TMEM232: variants seen among roughly 807,000 people sequenced by gnomAD.
TMEM232 encodes the protein transmembrane protein 232.
TMEM232 carries 80 observed loss-of-function variants against 78.8 expected under a neutral mutation model. The ratio of observed to expected loss-of-function variants is 1.01; its 90% CI spans 0.85 to 1.22. The LOEUF (loss-of-function observed/expected upper bound fraction) is 1.22. TMEM232 is among the 50% of genes most tolerant of loss of function. The probability of loss-of-function intolerance (pLI) is 0.00; values close to 1 mark genes in which losing one functional copy is unlikely to be tolerated. For missense variants in TMEM232, 881 were observed against 742.2 expected (o/e 1.19, Z -2.17); for synonymous variants, 297 against 254.3 (o/e 1.17, Z -1.60).
chr5:110,669,099 G>A (rs537001643), intron 1 of TMEM232, among the ~76,000 whole-genome samples: 1 of 152,172 alleles, frequency 6.6e-6, no homozygotes, highest in African/African-American at 2.4e-5. Flanking sequence ...ACATTCAAAA[G>A]CTAGCAGAAG....
At chr5:110,441,685 T>C (rs1759059632) in intron 12 of TMEM232, among the ~76,000 whole-genome samples, 1 of 152,176 alleles carries the variant, frequency 6.6e-6, no homozygotes, top group African/African-American at 2.4e-5. Flanking sequence ...CTGTGATAAA[T>C]TGAGTTGCCT....
chr5:110,562,490 T>C (rs146371421), intron 11 of TMEM232, among the ~76,000 whole-genome samples: 22 of 152,218 alleles, frequency 1.4e-4, no homozygotes, highest in African/African-American at 4.8e-4. Context: ...AGAACAATAA[T>C]ACATTCCTGC....
chr5:110,454,160 T>C (rs960597250), intron 12 of TMEM232, among the ~76,000 whole-genome samples: 3 of 152,168 alleles, frequency 2.0e-5, no homozygotes, highest in Non-Finnish European at 4.4e-5. Flanking sequence ...CAACTTTATG[T>C]AATTAACATG....
At chr5:110,429,705 T>A (rs140701223) in intron 12 of TMEM232, among the ~76,000 whole-genome samples, 3 of 151,808 alleles carry the variant, frequency 2.0e-5, no homozygotes, top group Non-Finnish European at 4.4e-5. Flanking sequence ...TTCTTAACAA[T>A]TGAATGTCTT....
At chr5:110,691,581 A>G (rs1446617607) in intron 1 of TMEM232, among the ~76,000 whole-genome samples, 1 of 152,242 alleles carries the variant, frequency 6.6e-6, no homozygotes, top group Non-Finnish European at 1.5e-5. Flanking sequence ...CTAGGCCTAC[A>G]TACTAAAACT....
intron 12 of TMEM232, among the ~76,000 whole-genome samples, chr5:110,510,561 C>T (rs1258773935): frequency 6.6e-6 from 1 of 152,050 alleles, no homozygotes; most frequent in African/African-American, 2.4e-5. Context: ...CCCTAACTAA[C>T]AAAGCCAACA....
chr5:110,409,244 C>G (rs1462249933), intron 2 of TMEM232, among the ~76,000 whole-genome samples: 2 of 152,094 alleles, frequency 1.3e-5, no homozygotes, highest in Non-Finnish European at 2.9e-5. Flanking sequence ...CACACAAACT[C>G]TTTTTTCAAT....
At position 110,641,822 on chromosome 5, in the gene TMEM232, A is replaced by C. The variant is rs550297506; in HGVS notation, c.237+438T>G. Reference sequence around the variant, plus strand: ...TGTTCTGTTTTGATATCTATTTGTAAATTTGGGGATTAATGTCATATTCTT... The same window carrying C: ...TGTTCTGTTTTGATATCTATTTGTACATTTGGGGATTAATGTCATATTCTT... On this transcript the variant is annotated intron_variant, in intron 3 of 13. Coordinates refer to ENST00000455884, the MANE Select transcript of TMEM232 (RefSeq NM_001039763.4). 5.3e-5 allele frequency among the ~76,000 whole-genome samples: 8 copies of C among 152,254 alleles called. No homozygotes were observed. In the South Asian group the frequency reaches 1.7e-3, roughly 32 times the overall value.
chr5:110,641,995 A>C (rs114809220), intron 3 of TMEM232, among the ~76,000 whole-genome samples: 294 of 152,234 alleles, frequency 1.9e-3, no homozygotes, highest in African/African-American at 6.9e-3. Flanking sequence ...AAAAAAATAT[A>C]ATTTTCATAA....
chr5:110,473,263 T>A (rs1329188653), intron 12 of TMEM232, among the ~76,000 whole-genome samples: 2 of 151,738 alleles, frequency 1.3e-5, no homozygotes, highest in East Asian at 3.9e-4. Context: ...GGATTAAAAA[T>A]GGGCAAAATA....
intron 1 of TMEM232, among the ~76,000 whole-genome samples, chr5:110,692,738 C>T (rs1794284873): frequency 6.6e-6 from 1 of 152,180 alleles, no homozygotes; most frequent in African/African-American, 2.4e-5. Flanking sequence ...TGCAAGGCAG[C>T]AGCAAGGCTG....
intron 11 of TMEM232, among the ~76,000 whole-genome samples, chr5:110,541,695 G>A (rs1212347140): frequency 2.1e-5 from 3 of 139,634 alleles, no homozygotes; most frequent in African/African-American, 1.0e-4. Flanking sequence ...TCAGCTTACT[G>A]TCTGTAGCCC....
intron 2 of TMEM232, among the ~76,000 whole-genome samples, chr5:110,405,574 T>C (rs1366452620): frequency 1.3e-5 from 2 of 151,024 alleles, no homozygotes; most frequent in Admixed American, 6.6e-5. Context: ...GAATTGGAAG[T>C]TGTAAAATAA....
chr5:110,516,448 T>C (rs1027428688), intron 12 of TMEM232, among the ~76,000 whole-genome samples: 2 of 152,184 alleles, frequency 1.3e-5, no homozygotes, highest in Non-Finnish European at 2.9e-5. Context: ...TTGATCTTCA[T>C]AGTTCTAAAT....
intron 12 of TMEM232, among the ~76,000 whole-genome samples, chr5:110,485,680 T>A (rs552101403): frequency 6.6e-6 from 1 of 152,260 alleles, no homozygotes; most frequent in Non-Finnish European, 1.5e-5. Flanking sequence ...TCGTATATTA[T>A]ATACACTACA....
upstream of TMEM232, chr5:110,738,234 G>T: frequency 7.8e-7 from 1 of 1,287,358 alleles, no homozygotes; most frequent in Non-Finnish European, 1.0e-6. Flanking sequence ...AGCCCGTGGA[G>T]CTAATGAAAA....
chr5:110,545,074 A>G (rs1428704710), intron 11 of TMEM232, among the ~76,000 whole-genome samples: 2 of 152,152 alleles, frequency 1.3e-5, no homozygotes, highest in African/African-American at 4.8e-5. Flanking sequence ...AGGTTATGGT[A>G]AAGATTAAAC....
intron 12 of TMEM232, among the ~76,000 whole-genome samples, chr5:110,442,676 GC>G (rs1425278920): frequency 6.6e-6 from 1 of 151,950 alleles, no homozygotes; most frequent in Non-Finnish European, 1.5e-5. Flanking sequence ...TGGTCTTTAT[GC>G]TTGTAGATGT....
chr5:110,530,844 GAGT>G (rs900424350), intron 11 of TMEM232, among the ~76,000 whole-genome samples: 14 of 152,232 alleles, frequency 9.2e-5, no homozygotes, highest in African/African-American at 3.4e-4. Context: ...AAAATGCTGA[GAGT>G]AGATGTTAAA....
Sources: allele counts gnomAD v4.1 joint callset (sites outside exome capture counted in the v4.1 genomes callset), GRCh38; gene constraint gnomAD v4.1.1; transcripts MANE v1.5; gene names NCBI Gene and HGNC (gene_info 2026-07-23, HGNC 2026-07-21).